RHOT2: variants seen among roughly 807,000 people sequenced by gnomAD.
RHOT2 encodes mitochondrial Rho GTPase 2.
RHOT2 carries 90 observed loss-of-function variants against 81.6 expected under a neutral mutation model. The ratio of observed to expected loss-of-function variants is 1.10; its 90% confidence interval spans 0.93 to 1.31. RHOT2 has a LOEUF of 1.31. RHOT2 is among the 40% of genes most tolerant of loss of function. The pLI is 0.00. For missense variants in RHOT2, 1,014 were observed against 841.9 expected (o/e 1.20, Z -2.53); for synonymous variants, 512 against 370.9 (o/e 1.38, Z -4.37).
chr16:673,391 C>T (rs2039290244), intron 18 of RHOT2, 89 bp from the exon 19 acceptor site: 1 of 1,574,888 alleles, frequency 6.3e-7, no homozygotes, highest in South Asian at 1.1e-5. Flanking sequence ...GCCTGTGGGG[C>T]CCTGTGAGTC....
At chr16:673,333 C>T (rs2039282867) in intron 18 of RHOT2, 147 bp from the exon 19 acceptor site, 1 of 1,316,294 alleles carries the variant, frequency 7.6e-7, no homozygotes, top group South Asian at 1.2e-5. Flanking sequence ...CAGGCATGTC[C>T]CTCCAGGGCC....
At chr16:670,211 GC>G (rs748610660) in intron 6 of RHOT2, 36 bp downstream of exon 6, 2 of 1,611,180 alleles carry the variant, frequency 1.2e-6, no homozygotes, top group African/African-American at 2.7e-5. Flanking sequence ...GGGACCCCTG[GC>G]TCCCCTGCCC....
chr16:670,151 A>T lies in RHOT2; in HGVS notation c.305A>T (p.Asn102Ile). The T allele has an allele frequency of 6.3e-7, 1 of 1,591,182 alleles. No individual in the cohort carries two copies. Among genetic ancestry groups the T allele is most frequent in the Non-Finnish European group, 8.5e-7 (1 of 1,170,068 alleles). The change falls in exon 6 of 19, where the codon AAT (asparagine) becomes ATT (isoleucine). Residue 102 changes from asparagine to isoleucine, a missense_variant. Physicochemically the swap from Asn to Ile is moderately radical, Grantham distance 149. Transcript: ENST00000315082. The stretch of plus-strand genomic sequence containing the variant: ...CGAACTAAGTGGATCCCACTGGTGA[A>T]TGGGGGGACCACGCAGGGGCCCAGG... ...KIRTKWIPLV[N>I]GGTTQGPRVP...
In RHOT2 at chr16:668,690, G is replaced by A. The variant is rs749079083; in HGVS notation, c.213G>A (p.Glu71=). 1 of 1,602,768 alleles carries A rather than the reference G, an allele frequency of 6.2e-7. No individual in the cohort carries two copies. Among genetic ancestry groups the A allele is most frequent in the Non-Finnish European group, 8.5e-7 (1 of 1,175,804 alleles). Residue 71 remains glutamate (E), a synonymous_variant, in exon 4 of 19, where the codon GAG becomes GAA. Coordinates refer to ENST00000315082, the MANE Select transcript of RHOT2 (RefSeq NM_138769.3). ...AGACGGACGAGGAGCTGCGGGAGGA[G>A]ATCCACAAGGTACCCGTGGTGCGCG... ...AEQTDEELRE[E]IHKANVVCVV...
chr16:673,268 G>T, intron 18 of RHOT2, 138 bp downstream of exon 18: 1 of 1,267,324 alleles, frequency 7.9e-7, no homozygotes, highest in Non-Finnish European at 1.1e-6. Context: ...GTCAGGCCTG[G>T]AACTGGGGCC....
chr16:670,993 C>A lies in RHOT2; in HGVS notation c.741C>A (p.Thr247=). ...GCGGCGTGCGGGAGGACCGGCTGAC[C>A]CTGGATGGTGAGGCCGGGTGCCCGC... ...VAGGVREDRL[T]LDGFLFLNTL... The change falls in exon 10 of 19, where the codon ACC becomes ACA. Residue 247 remains threonine (T), a synonymous_variant. Transcript: ENST00000315082. 6.3e-7 allele frequency: 1 copy of A among 1,588,824 alleles called. No homozygotes were observed. The highest frequency in any genetic ancestry group is 8.6e-7 in the Non-Finnish European group (1 of 1,168,652).
rs1486146900 is a variant in RHOT2, at chr16:672,270, G to A, written c.1212G>A (p.Arg404=). 47 of 1,611,854 alleles carry A rather than the reference G, an allele frequency of 2.9e-5. No individual in the cohort carries two copies. The highest frequency in any genetic ancestry group is 8.3e-5 in the Admixed American group (5 of 59,962). ...AHAITVTREK[R]LDQEKGQTQR... ...TCCTCACAGTCACTCGTGAGAAGAG[G>A]CTGGACCAGGAGAAGGGACAGACGC... is the stretch of plus-strand genomic sequence containing the variant. The change falls in exon 15 of 19, where the codon AGG becomes AGA. Residue 404 remains arginine (R), a synonymous_variant. Transcript: ENST00000315082.
rs769864408 is a variant in RHOT2, at chr16:671,863, C to T, written c.958C>T (p.Arg320Cys). 2.4e-5 allele frequency: 39 copies of T among 1,594,466 alleles called. No individual in the cohort carries two copies. The highest frequency in any genetic ancestry group is 1.8e-4 in the African/African-American group (13 of 73,862). Reference protein sequence around the residue: ...QRVFEKHDQDRDGALSPVELQ... With the variant: ...QRVFEKHDQDCDGALSPVELQ... ...CACCACATCCCTCCTTCTGCAGGAC[C>T]GCGACGGCGCCCTCTCGCCCGTGGA... is the stretch of plus-strand genomic sequence containing the variant. Residue 320 changes from arginine to cysteine, a missense_variant, in exon 13 of 19, where the codon CGC becomes TGC. By Grantham distance (180) the Arg-to-Cys change is radical. Coordinates refer to ENST00000315082, the MANE Select transcript of RHOT2 (RefSeq NM_138769.3).
chr16:669,160 A>AG, intron 4 of RHOT2: 1 of 389,960 alleles, frequency 2.6e-6, no homozygotes, highest in East Asian at 5.2e-5. Context: ...GTCTGTAGCG[A>AG]GGGGGGAGGC....
chr16:673,756 C>T lies in RHOT2; in HGVS notation c.*150C>T. 5.1e-6 allele frequency: 5 copies of T among 973,966 alleles called. No homozygotes were observed. Among genetic ancestry groups the T allele is most frequent in the Non-Finnish European group, 4.5e-6 (3 of 671,394 alleles). The allele number at this position is 973,966 out of a possible 1,614,324, so 60.3% of individuals were successfully genotyped here. On this transcript the variant is annotated 3_prime_UTR_variant, in exon 19 of 19. Coordinates refer to ENST00000315082, the MANE Select transcript of RHOT2 (RefSeq NM_138769.3). ...TTTGTTTCTGAAGGCAGTCGATCTG[C>T]AGCGGGGCCTTATGCTGCCATGCAC...
intron 5 of RHOT2, 106 bp downstream of exon 5, chr16:669,712 G>A: frequency 8.3e-7 from 1 of 1,198,236 alleles, no homozygotes; most frequent in South Asian, 1.2e-5. Flanking sequence ...CAGCATTTTG[G>A]GGAGCCTGAC....
Position 669,523 on chromosome 16 carries a change from G to C in RHOT2, c.223-30G>C, listed in dbSNP as rs772656807. On this transcript the variant is annotated intron_variant, in intron 4 of 18. Coordinates refer to ENST00000315082, the MANE Select transcript of RHOT2 (RefSeq NM_138769.3). ...TCGTCGGTGGTGAGCCAGCAGCCCT[G>C]TCACCCACACCTCATCACTGTTCCC... 3.1e-6 allele frequency: 5 copies of C among 1,608,940 alleles called. No individual in the cohort carries two copies. The African/African-American group carries it at 5.3e-5, about 17-fold the overall frequency.
chr16:672,137 G>A lies in RHOT2; in HGVS notation c.1151G>A (p.Gly384Asp), dbSNP rs200119985. 1.2e-6 allele frequency: 2 copies of A among 1,612,714 alleles called. No individual in the cohort carries two copies. Among genetic ancestry groups the A allele is most frequent in the Non-Finnish European group, 8.5e-7 (1 of 1,179,948 alleles). The change falls in exon 14 of 19, where the codon GGC becomes GAC. Residue 384 changes from glycine (G) to aspartate (D), a missense_variant. Transcript: ENST00000315082. ...TGCCTTGGACACCTAGGCTACCTGG[G>A]CTACCCCACCCTCTGTGAGCAGGAC... ...RSCLGHLGYL[G>D]YPTLCEQDQA... is the part of the protein sequence containing the mutation.
rs1193947735 is a variant in RHOT2 at position 668,145 on chromosome 16, T to C, written c.-55T>C. On this transcript the variant is annotated 5_prime_UTR_variant, in exon 1 of 19. Coordinates refer to ENST00000315082, the MANE Select transcript of RHOT2 (RefSeq NM_138769.3). ...GGGCGCGGGGGCAGAGCGAAAGGCTTGAGGACCAGGTCGGGGCCGGGTTCC... is the reference window on the plus strand; with the variant it reads ...GGGCGCGGGGGCAGAGCGAAAGGCTCGAGGACCAGGTCGGGGCCGGGTTCC... 4 of 432,916 alleles carry C rather than the reference T, an allele frequency of 9.2e-6. No individual in the cohort carries two copies. The highest frequency in any genetic ancestry group is 1.6e-5 in the Non-Finnish European group (4 of 247,458). The allele number at this position is 432,916 out of a possible 1,614,324, so 26.8% of individuals were successfully genotyped here. A position where few individuals can be genotyped will look rare whatever the true frequency, so the allele number is the denominator to read the frequency against.
chr16:673,691 G>C lies in RHOT2; in HGVS notation c.*85G>C. The C allele has an allele frequency of 6.7e-7, 1 of 1,502,322 alleles. No individual in the cohort carries two copies. The highest frequency in any genetic ancestry group is 8.9e-7 in the Non-Finnish European group (1 of 1,117,502). The allele number at this position is 1,502,322 out of a possible 1,614,324, so 93.1% of individuals were successfully genotyped here. A position where few individuals can be genotyped will look rare whatever the true frequency, so the allele number is the denominator to read the frequency against. ...CAGGGGCAGCACAGCTGGGGTGCAG[G>C]CCAGGCTGCCACTCCGGGAACGCCT... On this transcript the variant is annotated 3_prime_UTR_variant, in exon 19 of 19. Transcript: ENST00000315082.
chr16:673,209 G>A, intron 18 of RHOT2, 79 bp downstream of exon 18: 3 of 1,470,060 alleles, frequency 2.0e-6, no homozygotes, highest in Non-Finnish European at 2.8e-6. Flanking sequence ...GTCAGGCCTG[G>A]AACTGGGGAC....
chr16:673,986 GGTAT>G lies in RHOT2; in HGVS notation c.*382_*385del. The stretch of plus-strand genomic sequence containing the variant: ...CTTTCCTGGTCCTAGGTGGCCAGTG[GGTAT>G]GAGGAGGGCTGGAAGGCAGAGCTTT... On this transcript the variant is annotated 3_prime_UTR_variant, in exon 19 of 19. Transcript: ENST00000315082. 2.4e-6 allele frequency: 1 copy of G among 422,180 alleles called. No individual in the cohort carries two copies. The highest frequency in any genetic ancestry group is 4.7e-6 in the Non-Finnish European group (1 of 214,236). The allele number at this position is 422,180 out of a possible 1,614,324, so 26.2% of individuals were successfully genotyped here. A position where few individuals can be genotyped will look rare whatever the true frequency, so the allele number is the denominator to read the frequency against.
Position 668,719 on chromosome 16 carries a change from C to T in RHOT2, c.222+20C>T. On this transcript the variant is annotated intron_variant, in intron 4 of 18. Transcript: ENST00000315082. Reference sequence around the variant, plus strand: ...CACAAGGTACCCGTGGTGCGCGGGACGAGGGAGGGGCTGGGCGCGGGCTCG... The same window carrying T: ...CACAAGGTACCCGTGGTGCGCGGGATGAGGGAGGGGCTGGGCGCGGGCTCG... 10 of 1,581,702 alleles carry T rather than the reference C, an allele frequency of 6.3e-6. No homozygotes were observed. The highest frequency in any genetic ancestry group is 8.6e-6 in the Non-Finnish European group (10 of 1,166,788).
In RHOT2 at chr16:668,327, C is replaced by T. The variant is rs904227535; in HGVS notation, c.38-26C>T. ...CGGGGGGCGCCGTGACCTTGGCCCT[C>T]GCGCTGACCGCCTCGCCCCGCGCAG... On this transcript the variant is annotated intron_variant, in intron 1 of 18. Coordinates refer to ENST00000315082, the MANE Select transcript of RHOT2 (RefSeq NM_138769.3). The T allele has an allele frequency of 5.8e-6, 8 of 1,379,910 alleles. No individual in the cohort carries two copies. The African/African-American group carries it at 7.6e-5, about 13-fold the overall frequency. The allele number at this position is 1,379,910 out of a possible 1,614,324, so 85.5% of individuals were successfully genotyped here.
Sources: gnomAD v4.1 joint callset for allele counts on GRCh38, gnomAD v4.1.1 for gene constraint, MANE v1.5 for transcripts, NCBI Gene and HGNC (gene_info 2026-07-23, HGNC 2026-07-21) for gene names.